Variants in GFOD2 observed in about 807,000 individuals in gnomAD.
GFOD2 encodes glucose-fructose oxidoreductase domain-containing protein 2.
In GFOD2, 9 loss-of-function variants were observed where a neutral mutation model predicts 24.6. The observed-to-expected ratio is 0.37, with a 90% CI of 0.22 to 0.64. The LOEUF (loss-of-function observed/expected upper bound fraction) is 0.64, where lower values mean the gene tolerates loss of function less well. Ranked by LOEUF, GFOD2 falls within the 30% of genes least tolerant of loss-of-function variation. GFOD2 has a pLI of 0.65. For missense variants in GFOD2, 476 were observed against 532.5 expected, an observed-to-expected ratio of 0.89 and a Z score of 1.04; for synonymous variants, 211 against 224.8, an observed-to-expected ratio of 0.94 and a Z score of 0.55.
At position 67,718,947 on chromosome 16, in the gene GFOD2, C is replaced by T. The variant is rs79265673; in HGVS notation, c.-88+216G>A. ...TCCTATAATTCTACCACCAAGCCTG[C>T]GGGTCCTATTTCTGCGGTGGAAAGG... On this transcript the variant is annotated intron_variant, in intron 1 of 2. Transcript: ENST00000268797. Among the ~76,000 whole-genome samples, 1,467 of 152,260 alleles carry T rather than the reference C, an allele frequency of 9.6e-3. 21 individuals carry two copies. The highest frequency in any genetic ancestry group is 0.033 in the African/African-American group (1,364 of 41,532).
intron 2 of GFOD2, chr16:67,677,429 T>TC (rs1314639309): frequency 6.6e-6 from 1 of 152,256 alleles, no homozygotes; most frequent in Non-Finnish European, 1.5e-5. Flanking sequence ...CAGGCTGGTC[T>TC]CCAACTCCTG....
intron 1 of GFOD2, among the ~76,000 whole-genome samples, chr16:67,701,439 C>A (rs539331549): frequency 3.3e-5 from 5 of 152,164 alleles, no homozygotes; most frequent in Admixed American, 6.5e-5. Context: ...GAACATACTA[C>A]GGATATATGC....
At chr16:67,699,166 C>T (rs954231253) in intron 1 of GFOD2, among the ~76,000 whole-genome samples, 20 of 151,858 alleles carry the variant, frequency 1.3e-4, no homozygotes, top group African/African-American at 4.8e-4. Context: ...CATGGTGAAA[C>T]CCCGTCTCTA....
chr16:67,682,618 CATAAAAAGAGCTGTGAT>C, intron 2 of GFOD2: 1 of 985,098 alleles, frequency 1.0e-6, no homozygotes, highest in Non-Finnish European at 1.2e-6. Context: ...AACAAGATGC[CATAAAAAGAGCTGTGAT>C]ATGAAAAGTA....
intron 1 of GFOD2, among the ~76,000 whole-genome samples, chr16:67,693,773 C>T (rs946086311): frequency 1.3e-5 from 2 of 152,008 alleles, no homozygotes; most frequent in African/African-American, 2.4e-5. Flanking sequence ...ATTCAGTGGC[C>T]GCTGGGTGCA....
chr16:67,693,426 A>G (rs1049617061), intron 1 of GFOD2, among the ~76,000 whole-genome samples: 3 of 151,856 alleles, frequency 2.0e-5, no homozygotes, highest in Non-Finnish European at 4.4e-5. Context: ...CCTGCTAATC[A>G]TACCTGGCTA....
chr16:67,688,874 ACAGACGCCCCCCCAC>A (rs1261861167), intron 1 of GFOD2, among the ~76,000 whole-genome samples: 1 of 149,746 alleles, frequency 6.7e-6, no homozygotes, highest in East Asian at 2.0e-4. Context: ...AGCTGGGACT[ACAGACGCCCCCCCAC>A]CATGCCCAGC....
intron 1 of GFOD2, among the ~76,000 whole-genome samples, chr16:67,701,877 G>A (rs796483490): frequency 2.6e-4 from 40 of 151,850 alleles, no homozygotes; most frequent in African/African-American, 8.0e-4. Flanking sequence ...CAAAAGGCCC[G>A]ACTGTTGAGA....
At chr16:67,678,485 A>T (rs1180247345) in intron 2 of GFOD2, among the ~76,000 whole-genome samples, 1 of 151,820 alleles carries the variant, frequency 6.6e-6, no homozygotes. Flanking sequence ...TCAAAAAAAA[A>T]AAAAAAAAAG....
At chr16:67,715,482 T>TA (rs1441152840) in intron 1 of GFOD2, among the ~76,000 whole-genome samples, 1 of 152,232 alleles carries the variant, frequency 6.6e-6, no homozygotes, top group Non-Finnish European at 1.5e-5. Context: ...AAGGAGGTGT[T>TA]AGAGTGTAGG....
rs1339023755 is a variant in GFOD2 at position 67,674,739 on chromosome 16, T to C, written c.*416A>G. 1 of 167,148 alleles carries C rather than the reference T, an allele frequency of 6.0e-6. No homozygotes were observed. The highest frequency in any genetic ancestry group is 1.7e-4 in the East Asian group (1 of 5,824). 10.4% of individuals were successfully genotyped at this position (167,148 alleles called of 1,614,324 possible). A position where few individuals can be genotyped will look rare whatever the true frequency, so the allele number is the denominator to read the frequency against. On this transcript the variant is annotated 3_prime_UTR_variant, in exon 3 of 3. Transcript: ENST00000268797. Reference sequence around the variant, plus strand: ...GAGGGACAGCTTGTTGCCCTCACTGTTCCTGAGATGCCCCAGCCCAAGAAC... The same window carrying C: ...GAGGGACAGCTTGTTGCCCTCACTGCTCCTGAGATGCCCCAGCCCAAGAAC...
intron 1 of GFOD2, among the ~76,000 whole-genome samples, chr16:67,687,492 T>G (rs1187759804): frequency 6.6e-6 from 1 of 151,126 alleles, no homozygotes; most frequent in East Asian, 1.9e-4. Flanking sequence ...ATACAAAAAA[T>G]TAGCCAGTTG....
In GFOD2 at chr16:67,685,529, G is replaced by A; in HGVS notation, c.187C>T (p.His63Tyr). The change falls in exon 2 of 3, where the codon CAT becomes TAT. Residue 63 changes from histidine to tyrosine, a missense_variant. His to Tyr is a moderately conservative substitution (Grantham distance 83). Coordinates refer to ENST00000268797, the MANE Select transcript of GFOD2 (RefSeq NM_030819.4). The part of the protein sequence containing the change: ...YTSRTDDILL[H>Y]QDVDLVCISI... ...ATGCACACCAGATCCACATCTTGAT[G>A]CAGCAAGATGTCATCAGTCCGGCTG... 6.2e-7 allele frequency: 1 copy of A among 1,614,196 alleles called. No homozygotes were observed. Among genetic ancestry groups the A allele is most frequent in the Non-Finnish European group, 8.5e-7 (1 of 1,180,036 alleles).
rs111539616 is a variant in GFOD2 at position 67,699,839 on chromosome 16, C to T, written c.-87-14037G>A. ...AAAAAAAAAAGGCCAGGTGCAGTGGCTCACCTGTAATCCCAGAATTTTGGG... is the reference window on the plus strand; with the variant it reads ...AAAAAAAAAAGGCCAGGTGCAGTGGTTCACCTGTAATCCCAGAATTTTGGG... On this transcript the variant is annotated intron_variant, in intron 1 of 2. Coordinates refer to ENST00000268797, the MANE Select transcript of GFOD2 (RefSeq NM_030819.4). 9.7e-3 allele frequency among the ~76,000 whole-genome samples: 1,470 copies of T among 151,928 alleles called. 22 individuals are homozygous for T. Among genetic ancestry groups the T allele is most frequent in the African/African-American group, 0.033 (1,370 of 41,452 alleles).
At chr16:67,685,058 G>C in intron 2 of GFOD2, 4 of 1,145,220 alleles carry the variant, frequency 3.5e-6, no homozygotes, top group South Asian at 2.9e-5. Flanking sequence ...TGGTAGCCTT[G>C]CTACACAGCC....
At chr16:67,716,959 C>T (rs767603710) in intron 1 of GFOD2, among the ~76,000 whole-genome samples, 11 of 152,128 alleles carry the variant, frequency 7.2e-5, no homozygotes, top group Non-Finnish European at 1.5e-4. Flanking sequence ...TGCAATGGCG[C>T]GATCTCGACT....
At chr16:67,696,605 C>G (rs1449185069) in intron 1 of GFOD2, among the ~76,000 whole-genome samples, 1 of 151,858 alleles carries the variant, frequency 6.6e-6, no homozygotes, top group Non-Finnish European at 1.5e-5. Context: ...TCCCGAGTAG[C>G]TGGGACTACA....
chr16:67,693,606 A>G (rs1487373868), intron 1 of GFOD2, among the ~76,000 whole-genome samples: 2 of 152,170 alleles, frequency 1.3e-5, no homozygotes, highest in African/African-American at 4.8e-5. Context: ...AATGTACATT[A>G]CAGAATGTAC....
chr16:67,687,286 GA>G (rs927839833), intron 1 of GFOD2, among the ~76,000 whole-genome samples: 2 of 150,632 alleles, frequency 1.3e-5, no homozygotes. Context: ...ATGCTCACTA[GA>G]AAAAAAAATA....
Sources: allele counts gnomAD v4.1 joint callset (sites outside exome capture counted in the v4.1 genomes callset), GRCh38; gene constraint gnomAD v4.1.1; transcripts MANE v1.5; gene names NCBI Gene and HGNC (gene_info 2026-07-23, HGNC 2026-07-21).